Variants in ATP10B observed in about 807,000 individuals in gnomAD.
ATP10B encodes phospholipid-transporting ATPase VB.
A neutral mutation model predicts 141.2 loss-of-function variants in ATP10B; 122 were observed. That is an observed-to-expected ratio of 0.86 (90% CI 0.75 to 1.00). The LOEUF is 1.00. Among genes scored for constraint, ATP10B ranks in the 50% least tolerant of loss-of-function variants. The pLI is 0.00. For missense variants in ATP10B, 1,876 were observed against 1,825.3 expected, an observed-to-expected ratio of 1.03 and a Z score of -0.51; for synonymous variants, 685 against 692.0, an observed-to-expected ratio of 0.99 and a Z score of 0.16.
chr5:160,773,808 C>T (rs1282378366), intron 2 of ATP10B, among the ~76,000 whole-genome samples: 1 of 151,816 alleles, frequency 6.6e-6, no homozygotes, highest in Non-Finnish European at 1.5e-5. Flanking sequence ...ATTCCTATGC[C>T]TGGCAGACAG....
intron 2 of ATP10B, among the ~76,000 whole-genome samples, chr5:160,747,046 A>G (rs569763093): frequency 6.6e-6 from 1 of 152,340 alleles, no homozygotes; most frequent in South Asian, 2.1e-4. Context: ...GACATTTCAC[A>G]TAGAAATCTG....
chr5:160,599,748 G>A (rs964916045), intron 21 of ATP10B, among the ~76,000 whole-genome samples: 2 of 152,168 alleles, frequency 1.3e-5, no homozygotes, highest in African/African-American at 4.8e-5. Context: ...TCTCACTCAA[G>A]ATCTCCTCTC....
intron 13 of ATP10B, among the ~76,000 whole-genome samples, chr5:160,623,595 G>A (rs1758467624): frequency 6.6e-6 from 1 of 152,028 alleles, no homozygotes; most frequent in Admixed American, 6.5e-5. Flanking sequence ...CTGACCCATG[G>A]ATTTCCAGAT....
chr5:160,867,248 G>T, the ATP10B span, among the ~76,000 whole-genome samples: 5 of 151,636 alleles, frequency 3.3e-5, no homozygotes, highest in African/African-American at 1.2e-4. Flanking sequence ...CTTAAAAATG[G>T]TGGCTATTAC....
intron 24 of ATP10B, among the ~76,000 whole-genome samples, chr5:160,571,429 A>G (rs1044801868): frequency 6.6e-6 from 1 of 152,188 alleles, no homozygotes; most frequent in Non-Finnish European, 1.5e-5. Flanking sequence ...ATAGTTTACC[A>G]ATCCCTGCAG....
At chr5:160,802,910 C>T (rs4147469) in intron 1 of ATP10B, among the ~76,000 whole-genome samples, 18,851 of 152,132 alleles carry the variant, frequency 0.12, 1,290 homozygotes, top group East Asian at 0.17. Flanking sequence ...CCCCCATCCC[C>T]ATTCCAGAAA....
chr5:160,598,642 G>T, intron 22 of ATP10B, 128 bp downstream of exon 22: 3 of 820,478 alleles, frequency 3.7e-6, no homozygotes, highest in East Asian at 4.9e-5. Context: ...CAAAGTAAAT[G>T]ATGGAACAGT....
chr5:160,663,470 T>C (rs529796298), intron 7 of ATP10B, among the ~76,000 whole-genome samples: 1 of 152,242 alleles, frequency 6.6e-6, no homozygotes, highest in Admixed American at 6.5e-5. Flanking sequence ...TAAAAAATGA[T>C]GAGTTCATGT....
intron 1 of ATP10B, among the ~76,000 whole-genome samples, chr5:160,831,100 C>A (rs1775047147): frequency 1.4e-5 from 1 of 73,202 alleles, no homozygotes; most frequent in Admixed American, 1.5e-4. Context: ...TGCTCTGTCA[C>A]TTTCAACACG....
In ATP10B at chr5:160,607,063, A is replaced by G. The variant is rs1174110360; in HGVS notation, c.2862T>C (p.Asn954=). ...ATTGCTTTAGCTCTTCCAATGCACAATTGAGGATGGATTCACAGGTCTCCT... is the reference window on the plus strand; with the variant it reads ...ATTGCTTTAGCTCTTCCAATGCACAGTTGAGGATGGATTCACAGGTCTCCT... The part of the protein sequence containing the change: ...ENQETCESIL[N]CALEELKQFR... Residue 954 remains asparagine, a synonymous_variant, in exon 19 of 26, where the codon AAT becomes AAC. Coordinates refer to ENST00000327245, the MANE Select transcript of ATP10B (RefSeq NM_025153.3). The G allele has an allele frequency of 8.1e-6, 13 of 1,613,334 alleles. No homozygotes were observed. The highest frequency in any genetic ancestry group is 1.1e-5 in the South Asian group (1 of 91,070).
chr5:160,827,678 A>C (rs1774735892), intron 1 of ATP10B, among the ~76,000 whole-genome samples: 2 of 152,290 alleles, frequency 1.3e-5, no homozygotes, highest in South Asian at 4.1e-4. Flanking sequence ...GGCATTTCCT[A>C]GGTTTTCTTC....
chr5:160,864,155 A>T, the ATP10B span, among the ~76,000 whole-genome samples: 1 of 151,982 alleles, frequency 6.6e-6, no homozygotes, highest in Non-Finnish European at 1.5e-5. Flanking sequence ...ACAGACCAAC[A>T]TCCCTGACGC....
chr5:160,772,571 G>A (rs59481581), intron 2 of ATP10B, among the ~76,000 whole-genome samples: 15,718 of 152,182 alleles, frequency 0.1, 1,255 homozygotes, highest in Admixed American at 0.22. Context: ...ACCTCAGATC[G>A]TCAGGCATTA....
chr5:160,670,418 T>A (rs779123865), intron 7 of ATP10B, 45 bp downstream of exon 7: 1 of 1,597,642 alleles, frequency 6.3e-7, no homozygotes, highest in Non-Finnish European at 8.6e-7. Flanking sequence ...TAGGCTTGCA[T>A]CCTTTCTATG....
intron 6 of ATP10B, among the ~76,000 whole-genome samples, chr5:160,674,765 A>AT (rs1034478381): frequency 6.6e-6 from 1 of 152,056 alleles, no homozygotes; most frequent in Admixed American, 6.6e-5. Flanking sequence ...GGGAGCATTC[A>AT]TTAAAAAAAA....
At chr5:160,696,108 C>T (rs1764341658) in intron 3 of ATP10B, among the ~76,000 whole-genome samples, 1 of 151,902 alleles carries the variant, frequency 6.6e-6, no homozygotes, top group Admixed American at 6.6e-5. Context: ...TTCTCAAAAG[C>T]TTCAATTTTT....
chr5:160,688,939 G>T lies in ATP10B; in HGVS notation c.-200C>A, dbSNP rs1763919751. On this transcript the variant is annotated 5_prime_UTR_variant, in exon 4 of 26. Coordinates refer to ENST00000327245, the MANE Select transcript of ATP10B (RefSeq NM_025153.3). The stretch of plus-strand genomic sequence containing the variant: ...TTTCTTTTTCTCCACTCCATTTGGT[G>T]GTTTCTGAAACCAAGTACTTGATTA... The T allele has an allele frequency of 3.0e-6, 3 of 985,242 alleles. No homozygotes were observed. Among genetic ancestry groups the T allele is most frequent in the Admixed American group, 6.2e-5 (1 of 16,254 alleles). The allele number at this position is 985,242 out of a possible 1,614,324, so 61.0% of individuals were successfully genotyped here.
intron 2 of ATP10B, among the ~76,000 whole-genome samples, chr5:160,779,283 T>A (rs1177437997): frequency 6.6e-6 from 1 of 152,220 alleles, no homozygotes; most frequent in East Asian, 1.9e-4. Context: ...CACTGATTCC[T>A]ACCCCCTAAG....
intron 6 of ATP10B, among the ~76,000 whole-genome samples, chr5:160,685,562 T>C (rs528586671): frequency 6.6e-6 from 1 of 152,206 alleles, no homozygotes; most frequent in Non-Finnish European, 1.5e-5. Flanking sequence ...CCCAAGCAAC[T>C]GAGGCTTTAA....
Sources: gnomAD v4.1 joint callset for allele counts (sites outside exome capture counted in the v4.1 genomes callset) on GRCh38, gnomAD v4.1.1 for gene constraint, MANE v1.5 for transcripts, NCBI Gene and HGNC (gene_info 2026-07-23, HGNC 2026-07-21) for gene names.